Variants in RBPJ observed in about 807,000 individuals in gnomAD.
RBPJ encodes the protein recombining binding protein suppressor of hairless.
RBPJ carries 9 observed loss-of-function variants against 67.8 expected under a neutral mutation model. That is an observed-to-expected ratio of 0.13 (90% CI 0.08 to 0.23). The LOEUF (loss-of-function observed/expected upper bound fraction) is 0.23, where lower values mean the gene tolerates loss of function less well. Ranked by LOEUF, RBPJ falls within the 10% of genes least tolerant of loss-of-function variation. The pLI is 1.00. For synonymous variants in RBPJ, 198 were observed against 203.3 expected, an observed-to-expected ratio of 0.97 and a Z score of 0.22; for missense variants, 305 against 595.6, an observed-to-expected ratio of 0.51 and a Z score of 5.08.
intron 7 of RBPJ, chr4:26,425,122 A>G (rs1197274157): frequency 1.6e-5 from 4 of 247,426 alleles, no homozygotes; most frequent in Admixed American, 5.5e-5. Flanking sequence ...CCATATCCCA[A>G]TGTAGGACCA....
At chr4:26,342,815 G>C (rs577044391) in intron 1 of RBPJ, among the ~76,000 whole-genome samples, 94 of 152,226 alleles carry the variant, frequency 6.2e-4, no homozygotes, top group African/African-American at 2.2e-3. Context: ...TCAGTGTAAT[G>C]GTATCTCTGA....
At chr4:26,250,298 A>ACATGTTGT (rs1720065688) in intron 1 of RBPJ, among the ~76,000 whole-genome samples, 2 of 149,358 alleles carry the variant, frequency 1.3e-5, no homozygotes, top group South Asian at 4.3e-4. Flanking sequence ...CAAGGCTCAT[A>ACATGTTGT]CATGTTGTAG....
At chr4:26,260,189 AC>A (rs1720480987) in intron 1 of RBPJ, among the ~76,000 whole-genome samples, 2 of 152,188 alleles carry the variant, frequency 1.3e-5, no homozygotes. Flanking sequence ...CAAAGCATGG[AC>A]CTGTATGTTT....
intron 1 of RBPJ, among the ~76,000 whole-genome samples, chr4:26,196,361 T>C (rs1717762701): frequency 1.3e-5 from 2 of 152,208 alleles, no homozygotes; most frequent in Admixed American, 1.3e-4. Flanking sequence ...ATTCTATTCA[T>C]ATGAAATGTC....
At chr4:26,382,471 C>T (rs1730424617) in intron 1 of RBPJ, among the ~76,000 whole-genome samples, 1 of 152,180 alleles carries the variant, frequency 6.6e-6, no homozygotes, top group Non-Finnish European at 1.5e-5. Flanking sequence ...ATGTGTATCC[C>T]TATGGAGATT....
At position 26,430,855 on chromosome 4, in the gene RBPJ, C is replaced by T; in HGVS notation, c.1312C>T (p.Arg438Trp). The change falls in exon 11 of 11, where the codon CGG (arginine) becomes TGG (tryptophan). Residue 438 changes from arginine (R) to tryptophan (W), a missense_variant. Physicochemically the swap from Arg to Trp is moderately radical, Grantham distance 101. Coordinates refer to ENST00000355476, the MANE Select transcript of RBPJ (RefSeq NM_015874.6). This position sits in a 1 kb window ranked among gnomAD's most constrained non-coding sequence, Gnocchi z 4.1. ...TACCTACACACCAGAACCAGGGCCG[C>T]GGCCACATTGCAGTGCAGCAGGAGC... is the stretch of plus-strand genomic sequence containing the variant. ...TFTYTPEPGP[R>W]PHCSAAGAIL... 1.9e-6 allele frequency: 3 copies of T among 1,614,018 alleles called. No individual in the cohort carries two copies. The highest frequency in any genetic ancestry group is 2.5e-6 in the Non-Finnish European group (3 of 1,179,990).
At chr4:26,257,098 G>T (rs887340000) in intron 1 of RBPJ, among the ~76,000 whole-genome samples, 4 of 152,182 alleles carry the variant, frequency 2.6e-5, no homozygotes, top group African/African-American at 9.7e-5. Flanking sequence ...TGTAGTAATT[G>T]CTAGTATTTG....
chr4:26,202,775 G>T (rs1415460555), intron 1 of RBPJ, among the ~76,000 whole-genome samples: 1 of 151,948 alleles, frequency 6.6e-6, no homozygotes, highest in Non-Finnish European at 1.5e-5. Flanking sequence ...TGGGCATGGT[G>T]ACACGCCCCT....
intron 1 of RBPJ, among the ~76,000 whole-genome samples, chr4:26,338,500 CGGT>C (rs1400149106): frequency 2.0e-5 from 3 of 150,746 alleles, no homozygotes; most frequent in Non-Finnish European, 4.4e-5. Context: ...GTTTAAAAAT[CGGT>C]GTATCTCTTT....
intron 1 of RBPJ, among the ~76,000 whole-genome samples, chr4:26,337,013 T>C (rs556777668): frequency 3.3e-5 from 5 of 152,184 alleles, no homozygotes; most frequent in Non-Finnish European, 7.3e-5. Context: ...TGTCGCTCTG[T>C]CGCCCATGGG....
At chr4:26,362,965 G>C (rs1195029824) in intron 1 of RBPJ, among the ~76,000 whole-genome samples, 1 of 152,112 alleles carries the variant, frequency 6.6e-6, no homozygotes, top group East Asian at 1.9e-4. Flanking sequence ...TCATAGACTA[G>C]TTCTCTACAG....
intron 1 of RBPJ, among the ~76,000 whole-genome samples, chr4:26,209,052 C>A: frequency 6.7e-6 from 1 of 148,430 alleles, no homozygotes; most frequent in Non-Finnish European, 1.5e-5. Flanking sequence ...GATATAAAGA[C>A]AGTATGCTAG....
chr4:26,344,525 G>A (rs893304343), intron 1 of RBPJ, among the ~76,000 whole-genome samples: 6 of 152,110 alleles, frequency 3.9e-5, no homozygotes, highest in East Asian at 3.8e-4. Flanking sequence ...GTGAGCCACC[G>A]CGCCCGGCTG....
At chr4:26,406,384 C>A in intron 3 of RBPJ, 114 bp downstream of exon 3, 2 of 658,420 alleles carry the variant, frequency 3.0e-6, no homozygotes, top group East Asian at 2.6e-5. Context: ...TTTGCTAGTA[C>A]AAAATAAAAA....
At chr4:26,375,129 C>G (rs1004933215) in intron 1 of RBPJ, among the ~76,000 whole-genome samples, 2 of 151,686 alleles carry the variant, frequency 1.3e-5, no homozygotes, top group Admixed American at 6.6e-5. Context: ...ATGGTGAAAC[C>G]CTGTTTCTGC....
chr4:26,108,292 G>A, the RBPJ span, among the ~76,000 whole-genome samples: 1 of 152,196 alleles, frequency 6.6e-6, no homozygotes, highest in Non-Finnish European at 1.5e-5. Context: ...GGAGAAAATT[G>A]CAGAGGTAGG....
intron 1 of RBPJ, among the ~76,000 whole-genome samples, chr4:26,333,720 T>TA (rs1419549083): frequency 1.3e-5 from 2 of 152,088 alleles, no homozygotes; most frequent in African/African-American, 4.8e-5. Context: ...GATAGGATCT[T>TA]ACTGTGTCAC....
chr4:26,126,024 T>G, the RBPJ span, among the ~76,000 whole-genome samples: 1 of 152,098 alleles, frequency 6.6e-6, no homozygotes, highest in East Asian at 1.9e-4. Flanking sequence ...GCCTGTGTGC[T>G]CCAACCTTAC....
chr4:26,109,623 CCTCTCTCTCTCTCT>C, the RBPJ span, among the ~76,000 whole-genome samples: 2 of 20,798 alleles, frequency 9.6e-5, 1 homozygote, highest in Non-Finnish European at 1.7e-4. Context: ...TGTCCACCTT[CCTCTCTCTCTCTCT>C]CTCTGTCTCT....
Sources: allele counts gnomAD v4.1 joint callset (sites outside exome capture counted in the v4.1 genomes callset), GRCh38; gene constraint gnomAD v4.1.1; non-coding constraint Gnocchi (gnomAD v3.1); transcripts MANE v1.5; gene names NCBI Gene and HGNC (gene_info 2026-07-23, HGNC 2026-07-21).